The following NBEA variants were observed in gnomAD, a reference collection of about 807,000 sequenced individuals.
NBEA encodes neurobeachin, also known as lysosomal-trafficking regulator 2.
A neutral mutation model predicts 343.4 loss-of-function variants in NBEA; 44 were observed. The ratio of observed to expected loss-of-function variants is 0.13; its 90% CI spans 0.10 to 0.16. The LOEUF is 0.16. NBEA is among the 10% of genes least tolerant of loss of function. The pLI, the probability that NBEA is intolerant of heterozygous loss-of-function variation, is 1.00. For synonymous variants in NBEA, 1,175 were observed against 1,238.7 expected (o/e 0.95, Z 1.08); for missense variants, 2,555 against 3,631.3 (o/e 0.70, Z 7.62).
chr13:35,257,942 A>G (rs2032804074), intron 34 of NBEA, among the ~76,000 whole-genome samples: 2 of 152,140 alleles, frequency 1.3e-5, no homozygotes, highest in East Asian at 3.9e-4. Context: ...AAGACTCTTC[A>G]TGTTTTATGT....
intron 17 of NBEA, among the ~76,000 whole-genome samples, chr13:35,141,260 C>T (rs369903972): frequency 6.6e-6 from 1 of 151,754 alleles, no homozygotes. Flanking sequence ...ATTTTGAATT[C>T]TTTTTTTGTT....
At chr13:35,225,173 T>C (rs1224117088) in intron 33 of NBEA, among the ~76,000 whole-genome samples, 1 of 152,128 alleles carries the variant, frequency 6.6e-6, no homozygotes, top group Admixed American at 6.6e-5. Flanking sequence ...GTTCAAGGGT[T>C]CTCTTTTGTC....
chr13:35,615,531 G>A (rs1350045680), intron 48 of NBEA, among the ~76,000 whole-genome samples: 1 of 152,012 alleles, frequency 6.6e-6, no homozygotes, highest in Non-Finnish European at 1.5e-5. Flanking sequence ...TTTTAATAGA[G>A]ACAGGGTCTC....
intron 38 of NBEA, among the ~76,000 whole-genome samples, chr13:35,405,782 G>A: frequency 6.6e-6 from 1 of 152,060 alleles, no homozygotes; most frequent in East Asian, 1.9e-4. Context: ...AAAAATAATT[G>A]AATAAGCCTA....
intron 31 of NBEA, among the ~76,000 whole-genome samples, chr13:35,203,110 A>G (rs1385281530): frequency 6.6e-6 from 1 of 152,172 alleles, no homozygotes; most frequent in African/African-American, 2.4e-5. Context: ...TATCTGTGAC[A>G]TAGCAGCCAG....
intron 17 of NBEA, among the ~76,000 whole-genome samples, chr13:35,127,154 T>C (rs1434607288): frequency 6.6e-6 from 1 of 152,030 alleles, no homozygotes; most frequent in East Asian, 1.9e-4. Context: ...TGTATAATAG[T>C]GCACAAATAA....
chr13:35,624,055 G>GGT (rs10561419), intron 48 of NBEA, among the ~76,000 whole-genome samples: 2,211 of 147,472 alleles, frequency 0.015, 15 homozygotes, highest in Middle Eastern at 0.035. Flanking sequence ...TGTGTGTGTG[G>GGT]GTGTGTGTGT....
intron 34 of NBEA, among the ~76,000 whole-genome samples, chr13:35,250,071 G>A (rs2031770722): frequency 6.6e-6 from 1 of 152,134 alleles, no homozygotes; most frequent in Non-Finnish European, 1.5e-5. Context: ...CAGTGACTGG[G>A]GGTGATGGGA....
chr13:35,209,076 A>C (rs2073592166), intron 32 of NBEA, among the ~76,000 whole-genome samples: 1 of 152,164 alleles, frequency 6.6e-6, no homozygotes, highest in Admixed American at 6.6e-5. Context: ...GAGTCTTCTC[A>C]AAACAGTGCT....
chr13:35,243,839 C>A (rs1262792173), intron 34 of NBEA, among the ~76,000 whole-genome samples: 1 of 151,846 alleles, frequency 6.6e-6, no homozygotes, highest in Non-Finnish European at 1.5e-5. Context: ...ATGGATAAAG[C>A]AACCAGGTAA....
chr13:35,556,659 T>G (rs1334911008), intron 44 of NBEA, among the ~76,000 whole-genome samples: 1 of 152,200 alleles, frequency 6.6e-6, no homozygotes, highest in East Asian at 1.9e-4. Context: ...TATAAACTAT[T>G]TTTCTTAATT....
At chr13:35,617,406 T>G (rs1293821976) in intron 48 of NBEA, among the ~76,000 whole-genome samples, 2 of 152,214 alleles carry the variant, frequency 1.3e-5, no homozygotes, top group African/African-American at 4.8e-5. Context: ...AGTGCCTCAC[T>G]TGAAAAGTGC....
At chr13:35,453,839 T>G (rs974705291) in intron 40 of NBEA, among the ~76,000 whole-genome samples, 1 of 152,162 alleles carries the variant, frequency 6.6e-6, no homozygotes, top group Non-Finnish European at 1.5e-5. Context: ...AGCTAATTAT[T>G]AATATTAATT....
At chr13:35,411,571 C>T (rs1257900220) in intron 38 of NBEA, among the ~76,000 whole-genome samples, 1 of 151,976 alleles carries the variant, frequency 6.6e-6, no homozygotes, top group East Asian at 1.9e-4. Flanking sequence ...TATCCTCCTG[C>T]CTCACCTCCT....
In NBEA at chr13:35,594,958, C is replaced by T. The variant is rs947997869; in HGVS notation, c.7296+1511C>T. 1.4e-3 allele frequency among the ~76,000 whole-genome samples: 209 copies of T among 149,256 alleles called. 2 individuals are homozygous for T. The highest frequency in any genetic ancestry group is 5.1e-3 in the African/African-American group (205 of 39,898). On this transcript the variant is annotated intron_variant, in intron 47 of 58. Coordinates refer to ENST00000379939, the MANE Select transcript of NBEA (RefSeq NM_001385012.1). ...GTTGTTTGACATCATCACACACACA[C>T]ACACACACACACACACACACACACA...
intron 38 of NBEA, among the ~76,000 whole-genome samples, chr13:35,394,841 C>T (rs781629597): frequency 2.6e-5 from 4 of 152,002 alleles, no homozygotes; most frequent in Non-Finnish European, 5.9e-5. Flanking sequence ...GAGGTACAAG[C>T]TTAAGTCATT....
chr13:35,030,810 C>T (rs543466105), intron 1 of NBEA, among the ~76,000 whole-genome samples: 8 of 151,606 alleles, frequency 5.3e-5, no homozygotes, highest in South Asian at 4.1e-4. Flanking sequence ...TTACTGCTTC[C>T]GGCAATTAAA....
intron 36 of NBEA, among the ~76,000 whole-genome samples, chr13:35,339,797 T>C (rs554096988): frequency 1.3e-3 from 199 of 152,104 alleles, no homozygotes; most frequent in Middle Eastern, 3.4e-3. Context: ...GATCTCACAC[T>C]CTATCATGAG....
intron 38 of NBEA, among the ~76,000 whole-genome samples, chr13:35,419,983 A>G (rs2044170885): frequency 6.6e-6 from 1 of 152,062 alleles, no homozygotes; most frequent in Non-Finnish European, 1.5e-5. Context: ...GCATCTCGTG[A>G]CCTTGCTTAA....
Sources: gnomAD v4.1 joint callset for allele counts (sites outside exome capture counted in the v4.1 genomes callset) on GRCh38, gnomAD v4.1.1 for gene constraint, MANE v1.5 for transcripts, NCBI Gene and HGNC (gene_info 2026-07-23, HGNC 2026-07-21) for gene names.